Variants in CELF2 observed in about 807,000 individuals in gnomAD.
The protein encoded by CELF2 is CUGBP Elav-like family member 2.
CELF2 carries 8 observed loss-of-function variants against 62.6 expected under a neutral mutation model. The observed-to-expected ratio is 0.13, with a 90% CI of 0.07 to 0.23. The LOEUF (loss-of-function observed/expected upper bound fraction) is 0.23. Ranked by LOEUF, CELF2 falls within the 10% of genes least tolerant of loss-of-function variation. The pLI is 1.00. For missense variants in CELF2, 333 were observed against 671.0 expected, an observed-to-expected ratio of 0.50 and a Z score of 5.56; for synonymous variants, 258 against 250.0, an observed-to-expected ratio of 1.03 and a Z score of -0.30.
Position 11,184,029 on chromosome 10 carries a change from T to G in CELF2, c.271+18347T>G, listed in dbSNP as rs2074193341. ...TTTTTTCTATATTTTCTTCTAGAAG[T>G]GTTACAGGTTTAGGCTTTACATTTT... On this transcript the variant is annotated intron_variant, in intron 2 of 12. Coordinates refer to ENST00000633077, the MANE Select transcript of CELF2 (RefSeq NM_001326342.2). Among the ~76,000 whole-genome samples the G allele has an allele frequency of 2.0e-5, 3 of 152,242 alleles. No individual in the cohort carries two copies. The South Asian group carries it at 6.2e-4, about 31-fold the overall frequency.
chr10:11,042,585 T>C (rs2139570175), intron 1 of CELF2, among the ~76,000 whole-genome samples: 1 of 152,304 alleles, frequency 6.6e-6, no homozygotes, highest in Non-Finnish European at 1.5e-5. Context: ...TTCAATTCAG[T>C]GGTTTTTATC....
At chr10:11,254,919 C>A (rs958133700) in intron 4 of CELF2, among the ~76,000 whole-genome samples, 1 of 152,200 alleles carries the variant, frequency 6.6e-6, no homozygotes, top group African/African-American at 2.4e-5. Context: ...CCATCTCTCC[C>A]CTTCCTATTC....
intron 2 of CELF2, among the ~76,000 whole-genome samples, chr10:11,170,611 G>A (rs756628972): frequency 1.2e-4 from 19 of 152,096 alleles, no homozygotes; most frequent in Non-Finnish European, 2.4e-4. Flanking sequence ...ATGCTAGGAA[G>A]TTCTCTCGGA....
chr10:10,559,073 G>A, the CELF2 span, among the ~76,000 whole-genome samples: 1 of 151,962 alleles, frequency 6.6e-6, no homozygotes, highest in Non-Finnish European at 1.5e-5. Context: ...GTTTTATGTG[G>A]CTACTAGAAG....
chr10:10,799,720 A>G (rs1359785798), intron 1 of CELF2, among the ~76,000 whole-genome samples: 1 of 151,668 alleles, frequency 6.6e-6, no homozygotes, highest in East Asian at 1.9e-4. Flanking sequence ...TCAGAGGCCC[A>G]GAAAAATTAG....
chr10:11,148,693 T>A (rs1447450758), intron 1 of CELF2, among the ~76,000 whole-genome samples: 5 of 152,232 alleles, frequency 3.3e-5, no homozygotes, highest in Non-Finnish European at 7.3e-5. Flanking sequence ...TATGCTTTCA[T>A]ACATAAGTGG....
chr10:10,899,041 G>C (rs2062756390), intron 1 of CELF2, among the ~76,000 whole-genome samples: 1 of 152,120 alleles, frequency 6.6e-6, no homozygotes, highest in Non-Finnish European at 1.5e-5. Flanking sequence ...TAACTGAATA[G>C]GTAAAGAAAT....
chr10:10,952,674 CAAAAAAA>C (rs370427448), intron 2 of CELF2, among the ~76,000 whole-genome samples: 2 of 102,112 alleles, frequency 2.0e-5, no homozygotes, highest in Non-Finnish European at 2.1e-5. Flanking sequence ...TGAGATGGTC[CAAAAAAA>C]AAAAAAAAGA....
intron 2 of CELF2, among the ~76,000 whole-genome samples, chr10:10,971,195 G>A (rs2050716330): frequency 6.6e-6 from 1 of 152,056 alleles, no homozygotes; most frequent in Non-Finnish European, 1.5e-5. Flanking sequence ...CTGCCTCTTG[G>A]AAGGAGCTCT....
chr10:11,087,729 C>G lies in CELF2; in HGVS notation c.74+69566C>G, dbSNP rs556511619. Among the ~76,000 whole-genome samples, 29 of 152,284 alleles carry G rather than the reference C, an allele frequency of 1.9e-4. No individual in the cohort carries two copies. In the South Asian group the frequency reaches 5.8e-3, roughly 31 times the overall value. ...GTCTTATAACACACGCCTTTGAACC[C>G]CACCCTGCGTTGCTGGATAGTGCTA... On this transcript the variant is annotated intron_variant, in intron 1 of 12. Transcript: ENST00000633077.
intron 10 of CELF2, 198 bp from the exon 11 acceptor site, chr10:11,320,991 C>T: frequency 6.9e-7 from 1 of 1,439,754 alleles, no homozygotes; most frequent in Middle Eastern, 1.8e-4. Context: ...AGTGAGGGTT[C>T]TCATGGCTTA....
intron 2 of CELF2, among the ~76,000 whole-genome samples, chr10:11,175,552 C>G (rs909652634): frequency 2.0e-5 from 3 of 152,060 alleles, no homozygotes; most frequent in Non-Finnish European, 2.9e-5. Context: ...TTTACAGAGA[C>G]GAGGTGGTGA....
intron 2 of CELF2, among the ~76,000 whole-genome samples, chr10:10,960,633 G>A (rs936069983): frequency 2.0e-5 from 3 of 152,184 alleles, no homozygotes; most frequent in African/African-American, 7.2e-5. Context: ...AATTGGTAAT[G>A]CATACCCAGT....
chr10:10,627,660 G>A, the CELF2 span, among the ~76,000 whole-genome samples: 1 of 152,290 alleles, frequency 6.6e-6, no homozygotes, highest in Admixed American at 6.5e-5. Flanking sequence ...AACATGAGGA[G>A]GGAAAGAACC....
intron 2 of CELF2, among the ~76,000 whole-genome samples, chr10:11,208,997 T>C (rs1285318382): frequency 1.3e-5 from 2 of 152,170 alleles, no homozygotes; most frequent in Non-Finnish European, 2.9e-5. Flanking sequence ...TAGTGTTCAG[T>C]TTAAAGGCGT....
At chr10:10,944,918 A>G (rs1265742497) in intron 2 of CELF2, among the ~76,000 whole-genome samples, 1 of 152,096 alleles carries the variant, frequency 6.6e-6, no homozygotes, top group East Asian at 1.9e-4. Context: ...TTTCTTAAAG[A>G]GAGGAGAAAC....
At chr10:11,119,928 G>A (rs547594235) in intron 1 of CELF2, among the ~76,000 whole-genome samples, 22 of 130,694 alleles carry the variant, frequency 1.7e-4, no homozygotes, top group African/African-American at 5.0e-4. Context: ...AGAATTCATC[G>A]TTTCATAGGT....
At chr10:10,657,236 ACTGGTAGCTTATGATTTG>A in the CELF2 span, among the ~76,000 whole-genome samples, 1 of 152,160 alleles carries the variant, frequency 6.6e-6, no homozygotes, top group African/African-American at 2.4e-5. Flanking sequence ...TAGATGAGTG[ACTGGTAGCTTATGATTTG>A]CTGGAGAAAA....
the CELF2 span, among the ~76,000 whole-genome samples, chr10:10,543,810 C>T: frequency 2.6e-5 from 4 of 152,180 alleles, no homozygotes; most frequent in Non-Finnish European, 4.4e-5. Context: ...CCCCCTCTCC[C>T]GCTTCAGAGG....
Sources: allele counts gnomAD v4.1 joint callset (sites outside exome capture counted in the v4.1 genomes callset), GRCh38; gene constraint gnomAD v4.1.1; transcripts MANE v1.5; gene names NCBI Gene and HGNC (gene_info 2026-07-23, HGNC 2026-07-21).